SQOR: variants seen among roughly 807,000 people sequenced by gnomAD.
SQOR encodes the protein sulfide quinone oxidoreductase, also known as sulfide:quinone oxidoreductase, mitochondrial.
In SQOR, 39 loss-of-function variants were observed where a neutral mutation model predicts 48.6. That is an observed-to-expected ratio of 0.80 (90% CI 0.62 to 1.05). SQOR has a LOEUF of 1.05. Ranked by LOEUF, SQOR falls within the 50% of genes least tolerant of loss-of-function variation. The pLI, the probability that SQOR is intolerant of heterozygous loss-of-function variation, is 0.00. For missense variants in SQOR, 561 were observed against 559.9 expected, an observed-to-expected ratio of 1.00 and a Z score of -0.02; for synonymous variants, 220 against 206.2, an observed-to-expected ratio of 1.07 and a Z score of -0.57.
At chr15:45,663,657 C>T (rs1370561992) in intron 3 of SQOR, among the ~76,000 whole-genome samples, 1 of 152,030 alleles carries the variant, frequency 6.6e-6, no homozygotes, top group Non-Finnish European at 1.5e-5. Flanking sequence ...GTTCCAGCTA[C>T]TTGGGAGGCT....
chr15:45,646,497 G>A (rs987569181), intron 1 of SQOR, among the ~76,000 whole-genome samples: 3 of 152,188 alleles, frequency 2.0e-5, no homozygotes, highest in African/African-American at 7.2e-5. Context: ...TGGGCCCTGT[G>A]AATTGTAAAG....
At chr15:45,648,688 C>T (rs542328388) in intron 1 of SQOR, among the ~76,000 whole-genome samples, 6 of 152,162 alleles carry the variant, frequency 3.9e-5, no homozygotes, top group African/African-American at 9.6e-5. Flanking sequence ...TGACCTGTGC[C>T]GTGTACACAG....
intron 1 of SQOR, among the ~76,000 whole-genome samples, chr15:45,645,302 G>T (rs939821004): frequency 1.3e-5 from 2 of 152,180 alleles, no homozygotes; most frequent in Non-Finnish European, 2.9e-5. Flanking sequence ...CCTTTTTAAG[G>T]TATTTCCAGA....
intron 1 of SQOR, among the ~76,000 whole-genome samples, chr15:45,653,355 C>T (rs1355404077): frequency 6.6e-6 from 1 of 152,138 alleles, no homozygotes; most frequent in Non-Finnish European, 1.5e-5. Flanking sequence ...GTTCTATAAT[C>T]AGCTAGAACT....
chr15:45,664,543 C>G (rs1405727022), intron 3 of SQOR, among the ~76,000 whole-genome samples: 1 of 152,090 alleles, frequency 6.6e-6, no homozygotes, highest in African/African-American at 2.4e-5. Context: ...GTTAGTGCCC[C>G]ATGAAAGAGG....
At chr15:45,661,738 A>G (rs527331381) in intron 2 of SQOR, among the ~76,000 whole-genome samples, 10 of 152,310 alleles carry the variant, frequency 6.6e-5, no homozygotes, top group South Asian at 2.1e-4. Flanking sequence ...AGCTTTTCTG[A>G]TGATCTTGGA....
upstream of SQOR, among the ~76,000 whole-genome samples, chr15:45,632,378 C>A (rs1894913243): frequency 2.0e-5 from 3 of 151,982 alleles, no homozygotes; most frequent in Admixed American, 6.6e-5. Flanking sequence ...TGCCACAATG[C>A]CCGGCTAATT....
chr15:45,665,893 C>CT (rs1412957584), intron 3 of SQOR, among the ~76,000 whole-genome samples: 2 of 152,102 alleles, frequency 1.3e-5, no homozygotes, highest in African/African-American at 4.8e-5. Context: ...CCATTCCATT[C>CT]TTAGTTTACA....
upstream of SQOR, among the ~76,000 whole-genome samples, chr15:45,634,201 T>TATATATATATATATATATATATAC (rs1894953156): frequency 9.5e-6 from 1 of 105,680 alleles, no homozygotes; most frequent in South Asian, 3.4e-4. Flanking sequence ...ACAACAACTA[T>TATATATATATATATATATATATAC]ATATATATAT....
chr15:45,670,512 A>G (rs936471824), intron 4 of SQOR, among the ~76,000 whole-genome samples: 9 of 152,338 alleles, frequency 5.9e-5, no homozygotes, highest in African/African-American at 1.9e-4. Context: ...TGAGCTAGGG[A>G]GCCAGATGCA....
chr15:45,659,183 GGTGTGTGTGTAC>G (rs1045862713), intron 2 of SQOR, 26 bp downstream of exon 2: 2 of 1,482,764 alleles, frequency 1.3e-6, no homozygotes, highest in Admixed American at 4.3e-5. Flanking sequence ...TGAGGGCCTG[GGTGTGTGTGTAC>G]GTGTGTGTGT....
intron 1 of SQOR, among the ~76,000 whole-genome samples, chr15:45,654,740 T>C (rs559914232): frequency 6.6e-4 from 101 of 152,122 alleles, no homozygotes; most frequent in African/African-American, 2.2e-3. Flanking sequence ...AAAACAACTC[T>C]CTCTATTGAG....
chr15:45,638,997 A>G (rs1360085645), intron 1 of SQOR, among the ~76,000 whole-genome samples: 1 of 152,184 alleles, frequency 6.6e-6, no homozygotes, highest in African/African-American at 2.4e-5. Context: ...TCTAGACTTC[A>G]TCTAGTCTAT....
chr15:45,682,439 T>A, intron 6 of SQOR, 39 bp from the exon 7 acceptor site: 1 of 1,609,190 alleles, frequency 6.2e-7, no homozygotes, highest in African/African-American at 1.3e-5. Flanking sequence ...TGTAGAAATA[T>A]TGAATAAATG....
In SQOR at chr15:45,676,223, C is replaced by T. The variant is rs561390908; in HGVS notation, c.777C>T (p.Tyr259=). The change falls in exon 6 of 10, where the codon TAC becomes TAT. Residue 259 remains tyrosine, a synonymous_variant. Coordinates refer to ENST00000260324, the MANE Select transcript of SQOR (RefSeq NM_021199.4). ...IIQERNLTVN[Y]KKNLIEVRAD... is the part of the protein sequence containing the mutation. ...AGGAGCGGAACCTCACTGTTAACTA[C>T]AAGAAAAACCTCATTGAAGTCCGAG... is the stretch of plus-strand genomic sequence containing the variant. The T allele has an allele frequency of 3.7e-6, 6 of 1,614,086 alleles. No homozygotes were observed. In the Admixed American group the frequency reaches 5.0e-5, roughly 13 times the overall value.
intron 1 of SQOR, among the ~76,000 whole-genome samples, chr15:45,650,571 G>A (rs116460295): frequency 5.9e-5 from 9 of 152,202 alleles, no homozygotes; most frequent in East Asian, 1.9e-4. Flanking sequence ...GGACCAGAAA[G>A]GACTGCCACC....
At chr15:45,678,000 C>T (rs935176009) in intron 6 of SQOR, among the ~76,000 whole-genome samples, 1 of 148,512 alleles carries the variant, frequency 6.7e-6, no homozygotes, top group African/African-American at 2.4e-5. Context: ...AGCCATCGCA[C>T]CTGGCCTCAG....
At chr15:45,643,116 A>AG (rs1228804544) in intron 1 of SQOR, among the ~76,000 whole-genome samples, 1 of 152,174 alleles carries the variant, frequency 6.6e-6, no homozygotes. Context: ...AAAGAGTGGG[A>AG]GGGGGTCAGG....
chr15:45,658,978 C>A lies in SQOR; in HGVS notation c.55C>A (p.Leu19Met), dbSNP rs760186824. ...SGPRAQLFAC[L>M]LRLGTQQVGP... ...GCCCCGTGCCCAGCTCTTTGCCTGC[C>A]TGCTCAGGCTGGGCACTCAGCAGGT... is the stretch of plus-strand genomic sequence containing the variant. The change falls in exon 2 of 10, where the codon CTG (leucine) becomes ATG (methionine). Residue 19 changes from leucine to methionine, a missense_variant. Transcript: ENST00000260324. The A allele has an allele frequency of 4.4e-6, 7 of 1,597,084 alleles. No homozygotes were observed. In the African/African-American group the frequency reaches 8.0e-5, roughly 18 times the overall value.
Sources: gnomAD v4.1 joint callset for allele counts (sites outside exome capture counted in the v4.1 genomes callset) on GRCh38, gnomAD v4.1.1 for gene constraint, MANE v1.5 for transcripts, NCBI Gene and HGNC (gene_info 2026-07-23, HGNC 2026-07-21) for gene names.